PPP6R2: variants seen among roughly 807,000 people sequenced by gnomAD.
PPP6R2 encodes protein phosphatase 6 regulatory subunit 2.
PPP6R2 carries 62 observed loss-of-function variants against 100.2 expected under a neutral mutation model. That is an observed-to-expected ratio of 0.62 (90% CI 0.50 to 0.76). PPP6R2 has a LOEUF of 0.76. Among genes scored for constraint, PPP6R2 ranks in the 30% least tolerant of loss-of-function variants. The pLI is 0.00. For synonymous variants in PPP6R2, 525 were observed against 514.7 expected (o/e 1.02, Z -0.27); for missense variants, 1,142 against 1,276.3 (o/e 0.89, Z 1.60).
intron 13 of PPP6R2, among the ~76,000 whole-genome samples, 198 bp from the exon 14 acceptor site, chr22:50,436,169 C>T (rs2064206685): frequency 6.8e-6 from 1 of 146,562 alleles, no homozygotes; most frequent in Non-Finnish European, 1.5e-5. Flanking sequence ...TCACTGTGGC[C>T]CCAGGCCCCT....
chr22:50,376,751 A>T (rs766837328), intron 2 of PPP6R2, among the ~76,000 whole-genome samples: 5 of 152,040 alleles, frequency 3.3e-5, no homozygotes, highest in Non-Finnish European at 4.4e-5. Flanking sequence ...TAAAGAAATA[A>T]ATATTTGGCT....
At chr22:50,354,795 C>G (rs1308732347) in intron 1 of PPP6R2, among the ~76,000 whole-genome samples, 1 of 151,820 alleles carries the variant, frequency 6.6e-6, no homozygotes, top group African/African-American at 2.4e-5. Context: ...GAGACTCTCT[C>G]TCGTACACGT....
intron 2 of PPP6R2, among the ~76,000 whole-genome samples, chr22:50,389,589 T>A (rs2054996696): frequency 6.7e-6 from 1 of 150,260 alleles, no homozygotes; most frequent in African/African-American, 2.5e-5. Flanking sequence ...AGTCTCGCGC[T>A]GTCGCCCAGG....
At chr22:50,367,794 G>A (rs1361302347) in intron 1 of PPP6R2, among the ~76,000 whole-genome samples, 3 of 152,106 alleles carry the variant, frequency 2.0e-5, no homozygotes, top group East Asian at 1.9e-4. Flanking sequence ...ACGAGAGATC[G>A]TAGAAATAAA....
chr22:50,426,639 A>G (rs1188813746), intron 10 of PPP6R2, among the ~76,000 whole-genome samples: 1 of 152,130 alleles, frequency 6.6e-6, no homozygotes, highest in Non-Finnish European at 1.5e-5. Flanking sequence ...GTTTGTGACC[A>G]GCCTGGCCAA....
At chr22:50,356,404 G>A (rs1177165607) in intron 1 of PPP6R2, among the ~76,000 whole-genome samples, 2 of 151,378 alleles carry the variant, frequency 1.3e-5, no homozygotes, top group African/African-American at 4.9e-5. Context: ...CCAGGCTGAG[G>A]TAGTCATCAC....
chr22:50,393,717 G>C (rs1376054660), intron 2 of PPP6R2, 176 bp from the exon 3 acceptor site: 1 of 985,100 alleles, frequency 1.0e-6, no homozygotes, highest in East Asian at 1.1e-4. Flanking sequence ...CCACCATCCT[G>C]AGCTCTGGGA....
chr22:50,351,863 G>T (rs919239138), intron 1 of PPP6R2, among the ~76,000 whole-genome samples: 1 of 151,904 alleles, frequency 6.6e-6, no homozygotes, highest in African/African-American at 2.4e-5. Context: ...GCGCGATCTC[G>T]GCTCACTGCA....
intron 16 of PPP6R2, 25 bp downstream of exon 16, chr22:50,437,628 G>T (rs781102320): frequency 6.4e-7 from 1 of 1,562,036 alleles, no homozygotes; most frequent in South Asian, 1.1e-5. Context: ...AGCGCACTCT[G>T]CACGAGGCGC....
chr22:50,355,988 A>G (rs2046470581), intron 1 of PPP6R2, among the ~76,000 whole-genome samples: 2 of 142,956 alleles, frequency 1.4e-5, no homozygotes, highest in Non-Finnish European at 3.0e-5. Flanking sequence ...TTTGAGACGG[A>G]GTCTCGCTCT....
At chr22:50,412,629 CCT>C (rs1491219674) in intron 4 of PPP6R2, among the ~76,000 whole-genome samples, 1 of 125,008 alleles carries the variant, frequency 8.0e-6, no homozygotes, top group East Asian at 2.6e-4. Context: ...TTAAATAAGT[CCT>C]TTTTTTTTTT....
At chr22:50,348,424 G>T (rs932249445) in intron 1 of PPP6R2, among the ~76,000 whole-genome samples, 1 of 152,056 alleles carries the variant, frequency 6.6e-6, no homozygotes, top group Non-Finnish European at 1.5e-5. Flanking sequence ...TGAGAAGAGA[G>T]GTGTGAGAGA....
upstream of PPP6R2, among the ~76,000 whole-genome samples, chr22:50,342,700 T>C (rs2042538783): frequency 6.6e-6 from 1 of 152,266 alleles, no homozygotes; most frequent in African/African-American, 2.4e-5. Flanking sequence ...TTTTTGAAAT[T>C]ATTTTGATGG....
chr22:50,382,459 A>T (rs567251747), intron 2 of PPP6R2, among the ~76,000 whole-genome samples: 3 of 151,680 alleles, frequency 2.0e-5, no homozygotes, highest in Non-Finnish European at 4.4e-5. Flanking sequence ...TAAGCCAGGC[A>T]TGGTGGCTCA....
At position 50,444,206 on chromosome 22, in the gene PPP6R2, G is replaced by A. The variant is rs140182883; in HGVS notation, c.2839G>A (p.Asp947Asn). The A allele has an allele frequency of 1.9e-6, 3 of 1,612,960 alleles. No homozygotes were observed. Among genetic ancestry groups the A allele is most frequent in the African/African-American group, 1.3e-5 (1 of 74,916 alleles). The change falls in exon 24 of 24, where the codon GAT becomes AAT. Residue 947 changes from aspartate (D) to asparagine (N), a missense_variant. By Grantham distance (23) the Asp-to-Asn change is conservative (BLOSUM62 1). Transcript: ENST00000612753. The part of the protein sequence containing the change: ...LGTVTKDGKT[D>N]APPEGAALNG... ...CCCACCCCATTCCTGCAGGAAGACAGATGCCCCGCCAGAAGGAGCTGCCTT... is the reference window on the plus strand; with the variant it reads ...CCCACCCCATTCCTGCAGGAAGACAAATGCCCCGCCAGAAGGAGCTGCCTT...
chr22:50,421,108 G>C (rs1031991074), intron 8 of PPP6R2, among the ~76,000 whole-genome samples: 3 of 151,614 alleles, frequency 2.0e-5, no homozygotes, highest in African/African-American at 2.4e-5. Context: ...CTCTCTCTCT[G>C]TCTGTCTCTG....
intron 1 of PPP6R2, among the ~76,000 whole-genome samples, chr22:50,365,720 T>G (rs2048638201): frequency 7.0e-6 from 1 of 142,906 alleles, no homozygotes; most frequent in African/African-American, 2.9e-5. Context: ...CCTTATCAAT[T>G]CTTTATTTAT....
Position 50,406,489 on chromosome 22 carries a change from A to G in PPP6R2, c.228-200A>G, listed in dbSNP as rs1310737326. On this transcript the variant is annotated intron_variant, in intron 3 of 23. Transcript: ENST00000612753. ...AGCGTATAGGGCATGAGGAGCATAG[A>G]AGGTATGTTAAAAAACTGAACTTCT... Among the ~76,000 whole-genome samples the G allele has an allele frequency of 2.6e-5, 4 of 152,240 alleles. No individual in the cohort carries two copies. In the East Asian group the frequency reaches 7.7e-4, roughly 29 times the overall value.
intron 1 of PPP6R2, among the ~76,000 whole-genome samples, chr22:50,362,023 G>A (rs2047892694): frequency 6.6e-6 from 1 of 152,200 alleles, no homozygotes; most frequent in African/African-American, 2.4e-5. Context: ...ATGGAAACTG[G>A]ACTTTATGCC....
Sources: gnomAD v4.1 joint callset for allele counts (sites outside exome capture counted in the v4.1 genomes callset) on GRCh38, gnomAD v4.1.1 for gene constraint, MANE v1.5 for transcripts, NCBI Gene and HGNC (gene_info 2026-07-23, HGNC 2026-07-21) for gene names.